Variants in PPM1L observed in about 807,000 individuals in gnomAD.
PPM1L encodes the protein protein phosphatase, Mg2+/Mn2+ dependent 1L.
In PPM1L, 13 loss-of-function variants were observed where a neutral mutation model predicts 31.4. The ratio of observed to expected loss-of-function variants is 0.41; its 90% CI spans 0.27 to 0.66. PPM1L has a LOEUF of 0.66. Among genes scored for constraint, PPM1L ranks in the 30% least tolerant of loss-of-function variants. PPM1L has a pLI of 0.29. For missense variants in PPM1L, 326 were observed against 453.7 expected, an observed-to-expected ratio of 0.72 and a Z score of 2.56; for synonymous variants, 184 against 175.4, an observed-to-expected ratio of 1.05 and a Z score of -0.39.
chr3:160,892,423 C>T (rs559078104), intron 1 of PPM1L, among the ~76,000 whole-genome samples: 1 of 152,158 alleles, frequency 6.6e-6, no homozygotes, highest in African/African-American at 2.4e-5. Flanking sequence ...AATCCACCCC[C>T]ATGACCCACA....
chr3:160,765,996 A>T (rs556157737), intron 1 of PPM1L, among the ~76,000 whole-genome samples: 2 of 152,252 alleles, frequency 1.3e-5, no homozygotes, highest in South Asian at 4.2e-4. Flanking sequence ...TTCTTAGCCA[A>T]ACTTAAGTCA....
chr3:160,783,535 G>A (rs567828548), intron 1 of PPM1L, among the ~76,000 whole-genome samples: 1 of 148,842 alleles, frequency 6.7e-6, no homozygotes, highest in East Asian at 2.0e-4. Context: ...TGGAGATGGA[G>A]GTTGCAGTGA....
intron 2 of PPM1L, among the ~76,000 whole-genome samples, chr3:161,016,926 C>G (rs1164520760): frequency 6.6e-6 from 1 of 152,142 alleles, no homozygotes; most frequent in Non-Finnish European, 1.5e-5. Context: ...TTTCCAGTTT[C>G]TTAGAAGATA....
At chr3:161,048,746 T>A (rs146467714) in intron 2 of PPM1L, among the ~76,000 whole-genome samples, 4,540 of 151,832 alleles carry the variant, frequency 0.03, 157 homozygotes, top group African/African-American at 0.087. Context: ...AATACTATGC[T>A]GCCATAAAAA....
intron 1 of PPM1L, among the ~76,000 whole-genome samples, chr3:160,891,891 C>G (rs915722885): frequency 6.6e-6 from 1 of 152,092 alleles, no homozygotes; most frequent in Non-Finnish European, 1.5e-5. Flanking sequence ...GAAACTAATA[C>G]AGGAACAGAA....
intron 1 of PPM1L, among the ~76,000 whole-genome samples, chr3:160,876,891 A>G (rs547911852): frequency 6.6e-6 from 1 of 152,280 alleles, no homozygotes; most frequent in African/African-American, 2.4e-5. Flanking sequence ...GACAAAAAGC[A>G]TTTGCTATTT....
intron 1 of PPM1L, among the ~76,000 whole-genome samples, chr3:160,861,105 C>T (rs1172857757): frequency 2.0e-5 from 3 of 152,136 alleles, no homozygotes; most frequent in Admixed American, 6.6e-5. Context: ...AGTGGAAGGT[C>T]ACGTAGTGTA....
chr3:161,064,716 C>T (rs1318657388), intron 2 of PPM1L, among the ~76,000 whole-genome samples: 1 of 152,118 alleles, frequency 6.6e-6, no homozygotes, highest in Non-Finnish European at 1.5e-5. Context: ...TCCTTTGTGT[C>T]TTGTGTGGGC....
intron 2 of PPM1L, among the ~76,000 whole-genome samples, chr3:161,037,670 G>C (rs903852733): frequency 6.8e-6 from 1 of 146,842 alleles, no homozygotes; most frequent in Non-Finnish European, 1.5e-5. Context: ...GACCTCAGGT[G>C]ATCTGCCTGC....
At chr3:161,026,654 C>T (rs898679) in intron 2 of PPM1L, among the ~76,000 whole-genome samples, 33,406 of 150,748 alleles carry the variant, frequency 0.22, 4,010 homozygotes, top group African/African-American at 0.3. Context: ...GCCGAGACCA[C>T]GCCACTGCAC....
rs1373183641 is a variant in PPM1L, at chr3:161,074,052, CAG to C, written c.*4897_*4898del. ...ACAGAAAATCACAGAAAAGGAAAAA[CAG>C]AAATTTGATTTTAATTCACTTTTGA... On this transcript the variant is annotated 3_prime_UTR_variant, in exon 4 of 4. Transcript: ENST00000498165. The C allele has an allele frequency of 2.0e-5, 3 of 152,042 alleles. No homozygotes were observed. Among genetic ancestry groups the C allele is most frequent in the African/African-American group, 7.2e-5 (3 of 41,394 alleles). 9.4% of individuals were successfully genotyped at this position (152,042 alleles called of 1,614,324 possible).
chr3:160,907,900 C>T (rs965859128), intron 1 of PPM1L, among the ~76,000 whole-genome samples: 1 of 152,150 alleles, frequency 6.6e-6, no homozygotes, highest in African/African-American at 2.4e-5. Flanking sequence ...TCCTCTTACC[C>T]TCTGATCTCT....
intron 1 of PPM1L, among the ~76,000 whole-genome samples, chr3:160,828,502 T>A (rs1037730783): frequency 1.3e-5 from 2 of 152,128 alleles, no homozygotes; most frequent in Admixed American, 1.3e-4. Flanking sequence ...AAATCCCTTA[T>A]TCTGTAAAAC....
chr3:160,972,424 C>T (rs1716380038), intron 2 of PPM1L, among the ~76,000 whole-genome samples: 1 of 148,640 alleles, frequency 6.7e-6, no homozygotes, highest in African/African-American at 2.5e-5. Flanking sequence ...TGTTCATTTC[C>T]CACCTATGAG....
chr3:160,949,007 G>A (rs1046418382), intron 1 of PPM1L, among the ~76,000 whole-genome samples: 2 of 152,136 alleles, frequency 1.3e-5, no homozygotes, highest in South Asian at 2.1e-4. Flanking sequence ...AGATTCTAGA[G>A]TCCTACCCTA....
At chr3:160,905,620 G>C (rs1311381895) in intron 1 of PPM1L, among the ~76,000 whole-genome samples, 1 of 152,094 alleles carries the variant, frequency 6.6e-6, no homozygotes, top group Admixed American at 6.5e-5. Flanking sequence ...CTTGTTTTAA[G>C]CGATTATAAC....
At chr3:160,814,595 GTATGTATGTGTATATATATACACACACA>G (rs1560114803) in intron 1 of PPM1L, among the ~76,000 whole-genome samples, 1 of 118,798 alleles carries the variant, frequency 8.4e-6, no homozygotes, top group African/African-American at 3.4e-5. Context: ...ACACACATAT[GTATGTATGTGTATATATATACACACACA>G]TATGTATGTA....
intron 2 of PPM1L, among the ~76,000 whole-genome samples, chr3:160,977,463 A>G (rs754626867): frequency 1.3e-5 from 2 of 152,190 alleles, no homozygotes; most frequent in South Asian, 2.1e-4. Flanking sequence ...ATTTATTGCT[A>G]ATCTTTGACT....
chr3:160,769,986 G>A (rs1256476872), intron 1 of PPM1L, among the ~76,000 whole-genome samples: 2 of 152,056 alleles, frequency 1.3e-5, no homozygotes, highest in Non-Finnish European at 2.9e-5. Context: ...TGTGTATGAG[G>A]ATGAAGTACT....
Sources: gnomAD v4.1 joint callset for allele counts (sites outside exome capture counted in the v4.1 genomes callset) on GRCh38, gnomAD v4.1.1 for gene constraint, MANE v1.5 for transcripts, NCBI Gene and HGNC (gene_info 2026-07-23, HGNC 2026-07-21) for gene names.